Variants in WWOX observed in about 807,000 individuals in gnomAD.
WWOX encodes the protein WW domain containing oxidoreductase.
WWOX carries 69 observed loss-of-function variants against 46.2 expected under a neutral mutation model. The observed-to-expected ratio is 1.49, with a 90% CI of 1.23 to 1.82. The LOEUF (loss-of-function observed/expected upper bound fraction) is 1.82. Among genes scored for constraint, WWOX ranks in the 40% most tolerant of loss-of-function variants. The pLI, the probability that WWOX is intolerant of heterozygous loss-of-function variation, is 0.00. For missense variants in WWOX, 919 were observed against 542.6 expected (o/e 1.69, Z -6.89); for synonymous variants, 359 against 202.6 (o/e 1.77, Z -6.56).
intron 5 of WWOX, among the ~76,000 whole-genome samples, chr16:78,320,123 C>G (rs1253133083): frequency 6.6e-6 from 1 of 152,208 alleles, no homozygotes; most frequent in Non-Finnish European, 1.5e-5. Context: ...CTTAGCTTTA[C>G]TCAATGTTTT....
chr16:78,782,007 C>G (rs2050339047), intron 8 of WWOX, among the ~76,000 whole-genome samples: 2 of 152,172 alleles, frequency 1.3e-5, no homozygotes, highest in African/African-American at 2.4e-5. Context: ...GGTTCCAAAA[C>G]CTGCCCTTTT....
chr16:78,209,836 T>C (rs1323059284), intron 5 of WWOX, among the ~76,000 whole-genome samples: 2 of 152,200 alleles, frequency 1.3e-5, no homozygotes, highest in African/African-American at 4.8e-5. Flanking sequence ...GAAATATGTA[T>C]GTCTTTCCAA....
intron 8 of WWOX, among the ~76,000 whole-genome samples, chr16:78,869,269 C>T (rs891077950): frequency 2.0e-5 from 3 of 152,092 alleles, no homozygotes; most frequent in Middle Eastern, 3.2e-3. Context: ...GGAAATGAAA[C>T]ACTTAGGGGT....
chr16:79,141,258 C>G (rs113434654), intron 8 of WWOX, among the ~76,000 whole-genome samples: 1 of 152,158 alleles, frequency 6.6e-6, no homozygotes, highest in Non-Finnish European at 1.5e-5. Context: ...TACCTTTGCT[C>G]TGAGTTGTCC....
intron 5 of WWOX, among the ~76,000 whole-genome samples, chr16:78,180,822 G>C (rs962669293): frequency 2.0e-5 from 3 of 152,278 alleles, no homozygotes; most frequent in Admixed American, 1.3e-4. Flanking sequence ...CAGAGCAGGT[G>C]TATACATGAG....
intron 5 of WWOX, among the ~76,000 whole-genome samples, chr16:78,177,198 C>G (rs1263500518): frequency 6.6e-6 from 1 of 152,158 alleles, no homozygotes; most frequent in Non-Finnish European, 1.5e-5. Context: ...TTATGAAAAT[C>G]AAATGTTTTC....
At chr16:78,928,829 C>T (rs1370109630) in intron 8 of WWOX, among the ~76,000 whole-genome samples, 4 of 152,112 alleles carry the variant, frequency 2.6e-5, no homozygotes, top group South Asian at 2.1e-4. Flanking sequence ...TGAACTTGAA[C>T]CCAAGCTTCT....
At chr16:79,153,181 C>G (rs1597425016) in intron 8 of WWOX, among the ~76,000 whole-genome samples, 1 of 152,140 alleles carries the variant, frequency 6.6e-6, no homozygotes, top group Non-Finnish European at 1.5e-5. Flanking sequence ...TTTATCATCT[C>G]CATGTGAGGA....
chr16:79,156,516 C>T (rs2050385045), intron 8 of WWOX, among the ~76,000 whole-genome samples: 1 of 152,136 alleles, frequency 6.6e-6, no homozygotes, highest in African/African-American at 2.4e-5. Flanking sequence ...AAATTTGCCA[C>T]ACCAAGTAGA....
chr16:78,999,747 G>A (rs934268911), intron 8 of WWOX, among the ~76,000 whole-genome samples: 2 of 152,272 alleles, frequency 1.3e-5, no homozygotes, highest in Non-Finnish European at 1.5e-5. Context: ...TTGGAAAATT[G>A]CCTGTTAGGT....
chr16:79,002,056 A>G (rs1030263080), intron 8 of WWOX, among the ~76,000 whole-genome samples: 1 of 152,004 alleles, frequency 6.6e-6, no homozygotes, highest in African/African-American at 2.4e-5. Context: ...TGTAATGGTA[A>G]ATTACACTAA....
chr16:78,201,176 A>T (rs2036218043), intron 5 of WWOX, among the ~76,000 whole-genome samples: 1 of 152,230 alleles, frequency 6.6e-6, no homozygotes, highest in Non-Finnish European at 1.5e-5. Flanking sequence ...GTGGCAGTGT[A>T]TTCCTTTTCT....
At chr16:78,228,963 A>T (rs1209725546) in intron 5 of WWOX, among the ~76,000 whole-genome samples, 4 of 152,152 alleles carry the variant, frequency 2.6e-5, no homozygotes, top group African/African-American at 9.7e-5. Flanking sequence ...TGTCCACTTG[A>T]TGTGTACTTA....
At chr16:78,754,225 G>T (rs984059332) in intron 8 of WWOX, among the ~76,000 whole-genome samples, 1 of 152,076 alleles carries the variant, frequency 6.6e-6, no homozygotes, top group African/African-American at 2.4e-5. Flanking sequence ...ACTTTAGGAT[G>T]CCTCACTTCT....
chr16:79,087,085 A>G (rs2048867464), intron 8 of WWOX, among the ~76,000 whole-genome samples: 1 of 152,192 alleles, frequency 6.6e-6, no homozygotes, highest in Non-Finnish European at 1.5e-5. Flanking sequence ...CCAGGCACTG[A>G]TGGAGTAAGG....
intron 8 of WWOX, among the ~76,000 whole-genome samples, chr16:78,593,140 T>G (rs1280047067): frequency 6.6e-6 from 1 of 152,132 alleles, no homozygotes; most frequent in Non-Finnish European, 1.5e-5. Context: ...CAGGTGTCAT[T>G]GCCCTCCCCA....
At chr16:78,837,686 C>G (rs188103654) in intron 8 of WWOX, among the ~76,000 whole-genome samples, 1 of 152,070 alleles carries the variant, frequency 6.6e-6, no homozygotes, top group African/African-American at 2.4e-5. Flanking sequence ...GAGGGGCTGA[C>G]AAAGATTGAG....
chr16:78,638,867 A>G (rs985563953), intron 8 of WWOX, among the ~76,000 whole-genome samples: 4 of 151,498 alleles, frequency 2.6e-5, no homozygotes, highest in South Asian at 2.1e-4. Flanking sequence ...TTTTTCTTCT[A>G]TTTGCAAGCT....
chr16:78,487,673 C>G (rs1364299135), intron 8 of WWOX, among the ~76,000 whole-genome samples: 3 of 152,046 alleles, frequency 2.0e-5, no homozygotes, highest in Admixed American at 6.5e-5. Flanking sequence ...CCATTAGATA[C>G]CATCTCTCCC....
Sources: allele counts gnomAD v4.1 joint callset (sites outside exome capture counted in the v4.1 genomes callset), GRCh38; gene constraint gnomAD v4.1.1; transcripts MANE v1.5; gene names NCBI Gene and HGNC (gene_info 2026-07-23, HGNC 2026-07-21).